Variants in GMIP observed in about 807,000 individuals in gnomAD.
GMIP encodes GEM interacting protein.
In GMIP, 54 loss-of-function variants were observed where a neutral mutation model predicts 105.3. That is an observed-to-expected ratio of 0.51 (90% CI 0.41 to 0.64). GMIP has a LOEUF of 0.64. Ranked by LOEUF, GMIP falls within the 30% of genes least tolerant of loss-of-function variation. GMIP has a pLI of 0.00. For missense variants in GMIP, 1,110 were observed against 1,319.4 expected, an observed-to-expected ratio of 0.84 and a Z score of 2.46; for synonymous variants, 541 against 560.8, an observed-to-expected ratio of 0.96 and a Z score of 0.50.
intron 19 of GMIP, among the ~76,000 whole-genome samples, chr19:19,631,167 C>T (rs1182862862): frequency 6.6e-6 from 1 of 152,132 alleles, no homozygotes; most frequent in Non-Finnish European, 1.5e-5. Context: ...TGCCCCTGCA[C>T]TCCAGTCTGG....
intron 2 of GMIP, 89 bp downstream of exon 2, chr19:19,642,446 A>G: frequency 1.3e-6 from 1 of 772,264 alleles, no homozygotes; most frequent in Non-Finnish European, 2.3e-6. Context: ...CAGATGTTAC[A>G]GGTTCCAAAT....
Position 19,635,368 on chromosome 19 carries a change from T to C in GMIP, c.1560+47A>G. 1 of 1,588,990 alleles carries C rather than the reference T, an allele frequency of 6.3e-7. No individual in the cohort carries two copies. Among genetic ancestry groups the C allele is most frequent in the Non-Finnish European group, 8.6e-7 (1 of 1,165,178 alleles). On this transcript the variant is annotated intron_variant, in intron 15 of 20. Transcript: ENST00000203556. The surrounding 1 kb of genome is among the most constrained non-coding windows in gnomAD (Gnocchi z 4.7). The stretch of plus-strand genomic sequence containing the variant: ...CTGTAGGAATCTCAGGTCAGGGAGA[T>C]GATCAAGGGTCAGCAAAGGTCATTT...
Position 19,630,489 on chromosome 19 carries a change from T to C in GMIP, c.2521A>G (p.Lys841Glu). The part of the protein sequence containing the change: ...DQREDVAEDT[K>E]DGGGEVSSQG... ...TACTCACCTTCCCCTCCCCCATCTT[T>C]GGTGTCTTCAGCCACGTCCTCTCTC... The change falls in exon 20 of 21, where the codon AAA (lysine) becomes GAA (glutamate). Residue 841 changes from lysine to glutamate, a missense_variant. By Grantham distance (56) the Lys-to-Glu change is moderately conservative. Around this residue, in one of 3 missense-constraint regions of GMIP, gnomAD observed 394 missense variants for 450.5 expected, o/e 0.87. Coordinates refer to ENST00000203556, the MANE Select transcript of GMIP (RefSeq NM_016573.4). This position sits in a 1 kb window ranked among gnomAD's most constrained non-coding sequence, Gnocchi z 4.8. The C allele has an allele frequency of 6.2e-7, 1 of 1,614,090 alleles. No individual in the cohort carries two copies. Among genetic ancestry groups the C allele is most frequent in the East Asian group, 2.2e-5 (1 of 44,876 alleles).
Position 19,636,760 on chromosome 19 carries a change from C to T in GMIP, c.1274G>A (p.Ser425Asn), listed in dbSNP as rs1211318398. The T allele has an allele frequency of 6.2e-7, 1 of 1,613,526 alleles. No individual in the cohort carries two copies. The highest frequency in any genetic ancestry group is 8.5e-7 in the Non-Finnish European group (1 of 1,179,788). ...PGPTPGSDVD[S>N]VGGGSESRSL... ...CCGAGACTCGCTGCCGCCACCCACGCTGTCCACATCGCTGCCCGGAGTGGG... is the reference window on the plus strand; with the variant it reads ...CCGAGACTCGCTGCCGCCACCCACGTTGTCCACATCGCTGCCCGGAGTGGG... Residue 425 changes from serine (S) to asparagine (N), a missense_variant, in exon 13 of 21, where the codon AGC becomes AAC. Transcript: ENST00000203556.
At position 19,637,892 on chromosome 19, in the gene GMIP, G is replaced by T; in HGVS notation, c.927+28C>A. On this transcript the variant is annotated intron_variant, in intron 10 of 20. Coordinates refer to ENST00000203556, the MANE Select transcript of GMIP (RefSeq NM_016573.4). This position sits in a 1 kb window ranked among gnomAD's most constrained non-coding sequence, Gnocchi z 6.7. ...CAGTCGGGGCCCCAACGGGGTGAGGGGAGGATGGCCTTGGGGATGGGCCTC... is the reference window on the plus strand; with the variant it reads ...CAGTCGGGGCCCCAACGGGGTGAGGTGAGGATGGCCTTGGGGATGGGCCTC... 1 of 1,578,158 alleles carries T rather than the reference G, an allele frequency of 6.3e-7. No individual in the cohort carries two copies. The highest frequency in any genetic ancestry group is 1.2e-5 in the South Asian group (1 of 85,052).
chr19:19,629,840 C>A lies in GMIP; in HGVS notation c.*123G>T. The stretch of plus-strand genomic sequence containing the variant: ...TAAATAGTTTTTCCTTATAGGAACC[C>A]TCTGGACCTCTCCCAGCATTGAACT... On this transcript the variant is annotated 3_prime_UTR_variant, in exon 21 of 21. Coordinates refer to ENST00000203556, the MANE Select transcript of GMIP (RefSeq NM_016573.4). The A allele has an allele frequency of 1.0e-6, 1 of 974,412 alleles. No individual in the cohort carries two copies. Among genetic ancestry groups the A allele is most frequent in the Non-Finnish European group, 1.5e-6 (1 of 668,516 alleles). The allele number at this position is 974,412 out of a possible 1,614,324, so 60.4% of individuals were successfully genotyped here.
chr19:19,642,742 TGGG>T, intron 1 of GMIP, 123 bp from the exon 2 acceptor site: 1 of 359,396 alleles, frequency 2.8e-6, no homozygotes, highest in Non-Finnish European at 5.3e-6. Context: ...AAGAGAGGGC[TGGG>T]GGGGGCTTGG....
rs751933399 is a variant in GMIP, at chr19:19,634,964, C to T, written c.1750-35G>A. 6.8e-6 allele frequency: 11 copies of T among 1,613,428 alleles called. No homozygotes were observed. The highest frequency in any genetic ancestry group is 1.7e-5 in the Admixed American group (1 of 60,002). ...GAGGGTGAAAAACAGACACCTGGTT[C>T]GTGATAGGCCATCGATTCGGTCAGG... is the stretch of plus-strand genomic sequence containing the variant. On this transcript the variant is annotated intron_variant, in intron 16 of 20. Transcript: ENST00000203556. The surrounding 1 kb of genome is among the most constrained non-coding windows in gnomAD (Gnocchi z 6.1).
Position 19,643,638 on chromosome 19 carries a change from T to G in GMIP, c.-109A>C. On this transcript the variant is annotated 5_prime_UTR_variant, in exon 1 of 21. Coordinates refer to ENST00000203556, the MANE Select transcript of GMIP (RefSeq NM_016573.4). ...CCGCAGCCGCCGCCGCCGCCTCGGT[T>G]CCGCGTCGCCCTGCCCAGCGGAGGC... is the stretch of plus-strand genomic sequence containing the variant. 1.0e-6 allele frequency: 1 copy of G among 981,588 alleles called. No individual in the cohort carries two copies. 60.8% of individuals were successfully genotyped at this position (981,588 alleles called of 1,614,324 possible).
rs2061949900 is a variant in GMIP at position 19,643,620 on chromosome 19, C to T, written c.-91G>A. On this transcript the variant is annotated 5_prime_UTR_variant, in exon 1 of 21. Coordinates refer to ENST00000203556, the MANE Select transcript of GMIP (RefSeq NM_016573.4). ...AGCCCCGATTTCCTGCCGCCGCAGC[C>T]GCCGCCGCCGCCTCGGTTCCGCGTC... 1 of 1,054,668 alleles carries T rather than the reference C, an allele frequency of 9.5e-7. No homozygotes were observed. The highest frequency in any genetic ancestry group is 2.8e-5 in the Admixed American group (1 of 36,316). The allele number at this position is 1,054,668 out of a possible 1,614,324, so 65.3% of individuals were successfully genotyped here. A position where few individuals can be genotyped will look rare whatever the true frequency, so the allele number is the denominator to read the frequency against.
At position 19,640,440 on chromosome 19, in the gene GMIP, C is replaced by T; in HGVS notation, c.364+6G>A. The T allele has an allele frequency of 6.2e-7, 1 of 1,614,094 alleles. No individual in the cohort carries two copies. The highest frequency in any genetic ancestry group is 8.5e-7 in the Non-Finnish European group (1 of 1,180,020). The stretch of plus-strand genomic sequence containing the variant: ...GTAACTGGGGCTGGGCGGAAGAGGT[C>T]CTCACCATAGCTGGCTCTCTTTTCA... On this transcript the variant is annotated splice_donor_region_variant and intron_variant, in intron 5 of 20. Coordinates refer to ENST00000203556, the MANE Select transcript of GMIP (RefSeq NM_016573.4).
intron 19 of GMIP, 112 bp downstream of exon 19, chr19:19,633,691 G>A: frequency 1.4e-6 from 1 of 734,352 alleles, no homozygotes; most frequent in East Asian, 3.0e-5. Context: ...AAATGAGGAA[G>A]GGAGGAAGAG....
Position 19,630,470 on chromosome 19 carries a change from C to T in GMIP, c.2539+1G>A, listed in dbSNP as rs1296575027. 1.9e-6 allele frequency: 3 copies of T among 1,613,438 alleles called. No individual in the cohort carries two copies. In the African/African-American group the frequency reaches 4.0e-5, roughly 22 times the overall value. On this transcript the variant is annotated splice_donor_variant, in intron 20 of 20. Transcript: ENST00000203556. LOFTEE classifies it high-confidence loss of function. The surrounding 1 kb of genome is among the most constrained non-coding windows in gnomAD (Gnocchi z 4.8). ...CCTGAGCCTCTCTCTAACATACTCA[C>T]CTTCCCCTCCCCCATCTTTGGTGTC...
Position 19,637,372 on chromosome 19 carries a change from A to T in GMIP, c.1117T>A (p.Leu373Met). 2 of 1,500,860 alleles carry T rather than the reference A, an allele frequency of 1.3e-6. No individual in the cohort carries two copies. The highest frequency in any genetic ancestry group is 1.8e-6 in the Non-Finnish European group (2 of 1,129,724). 93.0% of individuals were successfully genotyped at this position (1,500,860 alleles called of 1,614,324 possible). The change falls in exon 11 of 21, where the codon TTG becomes ATG. Residue 373 changes from leucine (L) to methionine (M), a missense_variant. Physicochemically the swap from Leu to Met is conservative, Grantham distance 15. Transcript: ENST00000203556. This position sits in a 1 kb window ranked among gnomAD's most constrained non-coding sequence, Gnocchi z 6.7. Reference sequence around the variant, plus strand: ...CCTGCTCCAGTGACCCACCTGTTCAAGGAGGGAAGGAACTCCTGGAAGGAG... The same window carrying T: ...CCTGCTCCAGTGACCCACCTGTTCATGGAGGGAAGGAACTCCTGGAAGGAG... ...AFSFQEFLPSLNSSPLDIRKK... is the reference protein window; with the variant it reads ...AFSFQEFLPSMNSSPLDIRKK...
intron 7 of GMIP, 26 bp downstream of exon 7, chr19:19,640,059 G>A: frequency 7.5e-7 from 1 of 1,340,132 alleles, no homozygotes; most frequent in Non-Finnish European, 1.1e-6. Flanking sequence ...GGTGACCTCT[G>A]TAACATTCCA....
At position 19,630,548 on chromosome 19, in the gene GMIP, A is replaced by G. The variant is rs1568409897; in HGVS notation, c.2473-11T>C. The G allele has an allele frequency of 6.2e-7, 1 of 1,609,796 alleles. No individual in the cohort carries two copies. The highest frequency in any genetic ancestry group is 1.7e-5 in the Admixed American group (1 of 59,972). On this transcript the variant is annotated splice_polypyrimidine_tract_variant and intron_variant, in intron 19 of 20. Transcript: ENST00000203556. This position sits in a 1 kb window ranked among gnomAD's most constrained non-coding sequence, Gnocchi z 4.8. ...CTGTGGAGTTGGAATCTGCAGGGAGAAACCCAAGAATGAGACCCCAACACT... is the reference window on the plus strand; with the variant it reads ...CTGTGGAGTTGGAATCTGCAGGGAGGAACCCAAGAATGAGACCCCAACACT...
intron 1 of GMIP, 56 bp downstream of exon 1, chr19:19,643,455 A>G: frequency 4.8e-6 from 7 of 1,466,980 alleles, no homozygotes; most frequent in Non-Finnish European, 5.6e-6. Context: ...TGTGCCCTCA[A>G]TGTAGGAAGC....
rs141571813 is a variant in GMIP, at chr19:19,633,953, G to C, written c.2322C>G (p.Ser774Arg). The change falls in exon 19 of 21, where the codon AGC becomes AGG. Residue 774 changes from serine to arginine, a missense_variant. Physicochemically the swap from Ser to Arg is moderately radical, Grantham distance 110 (BLOSUM62 -1). Around this residue, in one of 3 missense-constraint regions of GMIP, gnomAD observed 394 missense variants for 450.5 expected, o/e 0.87. Transcript: ENST00000203556. ...TGGTTGTGAGGGGCCCAGGGGCTGG[G>C]CTGGAGTCTTGGGGCGGGGGCTCAG... ...QATEPPPQDS[S>R]PAPGPLTTSS... The C allele has an allele frequency of 6.3e-7, 1 of 1,583,938 alleles. No individual in the cohort carries two copies. Among genetic ancestry groups the C allele is most frequent in the Non-Finnish European group, 8.6e-7 (1 of 1,159,050 alleles).
At chr19:19,642,096 G>T in intron 2 of GMIP, 45 bp from the exon 3 acceptor site, 1 of 1,343,904 alleles carries the variant, frequency 7.4e-7, no homozygotes, top group Non-Finnish European at 1.1e-6. Context: ...CACCCAGTCT[G>T]TCCTGCCAAG....
Sources: allele counts gnomAD v4.1 joint callset (sites outside exome capture counted in the v4.1 genomes callset), GRCh38; gene constraint gnomAD v4.1.1; regional missense constraint gnomAD v4.1.1; non-coding constraint Gnocchi (gnomAD v3.1); transcripts MANE v1.5; gene names NCBI Gene and HGNC (gene_info 2026-07-23, HGNC 2026-07-21).